Variants in HTR2C observed in about 807,000 individuals in gnomAD.
The protein encoded by HTR2C is 5-hydroxytryptamine receptor 2C, also known as 5-hydroxytryptamine (serotonin) receptor 2C, G protein-coupled.
Under a neutral mutation model 21.0 loss-of-function variants are expected in HTR2C, and 5 were observed. The observed-to-expected ratio is 0.24, with a 90% CI of 0.12 to 0.50. The LOEUF (loss-of-function observed/expected upper bound fraction) is 0.50, where lower values mean the gene tolerates loss of function less well. Among genes scored for constraint, HTR2C ranks in the 20% least tolerant of loss-of-function variants. HTR2C has a pLI of 0.98. For synonymous variants in HTR2C, 150 were observed against 145.3 expected, an observed-to-expected ratio of 1.03 and a Z score of -0.23; for missense variants, 271 against 371.2, an observed-to-expected ratio of 0.73 and a Z score of 2.22.
intron 1 of HTR2C, among the ~76,000 whole-genome samples, chrX:114,594,244 T>TA (rs782625241): frequency 1.8e-5 from 2 of 111,379 alleles, no homozygotes; most frequent in African/African-American, 6.5e-5. Context: ...ATCTAATATA[T>TA]AAAAAAATGA....
intron 2 of HTR2C, among the ~76,000 whole-genome samples, chrX:114,725,591 T>C (rs1383878282): frequency 1.8e-5 from 2 of 112,222 alleles, no homozygotes; most frequent in Non-Finnish European, 3.8e-5. Flanking sequence ...GGAGAGGCGC[T>C]CTGCATTTTA....
chrX:114,815,325 C>T (rs989801771), intron 4 of HTR2C, among the ~76,000 whole-genome samples: 5 of 111,015 alleles, frequency 4.5e-5, no homozygotes, highest in Admixed American at 9.8e-5. Flanking sequence ...TGATCCTTTC[C>T]TCCAACCCCA....
At chrX:114,632,910 A>G (rs974997782) in intron 2 of HTR2C, among the ~76,000 whole-genome samples, 1 of 111,443 alleles carries the variant, frequency 9.0e-6, no homozygotes, top group African/African-American at 3.2e-5. Flanking sequence ...ATGAATGTCT[A>G]TAATGATAGT....
intron 2 of HTR2C, among the ~76,000 whole-genome samples, chrX:114,696,880 T>G (rs1932295763): frequency 9.0e-6 from 1 of 111,538 alleles, no homozygotes; most frequent in Non-Finnish European, 1.9e-5. Flanking sequence ...TAGTTGCTTA[T>G]TAATGGATTT....
chrX:114,848,024 G>C lies in HTR2C; in HGVS notation c.371G>C (p.Arg124Thr). Residue 124 changes from arginine (R) to threonine (T), a missense_variant, in exon 5 of 6, where the codon AGA becomes ACA. Physicochemically the swap from Arg to Thr is moderately conservative, Grantham distance 71 (BLOSUM62 -1). Coordinates refer to ENST00000276198, the MANE Select transcript of HTR2C (RefSeq NM_000868.4). Reference sequence around the variant, plus strand: ...TCAGATTATGTCTGGCCACTACCTAGATATTTGTGCCCCGTCTGGATTTCT... The same window carrying C: ...TCAGATTATGTCTGGCCACTACCTACATATTTGTGCCCCGTCTGGATTTCT... ...ILYDYVWPLP[R>T]YLCPVWISLD... The C allele has an allele frequency of 8.3e-7, 1 of 1,207,268 alleles. No individual in the cohort carries two copies. The highest frequency in any genetic ancestry group is 1.1e-6 in the Non-Finnish European group (1 of 891,638).
intron 5 of HTR2C, among the ~76,000 whole-genome samples, chrX:114,887,099 A>C (rs1284539761): frequency 8.9e-6 from 1 of 112,330 alleles, no homozygotes; most frequent in Non-Finnish European, 1.9e-5. Context: ...TTAAAGGAAA[A>C]AATCAGACGG....
intron 5 of HTR2C, among the ~76,000 whole-genome samples, chrX:114,876,422 C>T (rs201193037): frequency 3.5e-4 from 22 of 62,341 alleles, no homozygotes; most frequent in East Asian, 6.0e-4. Context: ...CTTTTTCTTT[C>T]TTTTTTTTTT....
intron 4 of HTR2C, among the ~76,000 whole-genome samples, chrX:114,769,041 A>AG (rs1476675146): frequency 1.8e-5 from 2 of 110,036 alleles, no homozygotes; most frequent in African/African-American, 3.3e-5. Flanking sequence ...ATTTGAAAAA[A>AG]AAGCAGTTAA....
intron 2 of HTR2C, among the ~76,000 whole-genome samples, chrX:114,639,816 T>C (rs1243427273): frequency 2.7e-5 from 3 of 111,818 alleles, no homozygotes; most frequent in Non-Finnish European, 5.6e-5. Flanking sequence ...TTTAACTTTG[T>C]ATTTAACCTT....
At chrX:114,664,181 G>A (rs1931093378) in intron 2 of HTR2C, among the ~76,000 whole-genome samples, 1 of 111,814 alleles carries the variant, frequency 8.9e-6, no homozygotes, top group Non-Finnish European at 1.9e-5. Flanking sequence ...GCTGCCACTG[G>A]TTGTGAAAAT....
At chrX:114,717,486 A>G (rs1405238024) in intron 2 of HTR2C, 2 of 112,244 alleles carry the variant, frequency 1.8e-5, no homozygotes, top group African/African-American at 6.5e-5. Context: ...TGTAAACTAT[A>G]CCTTTTCATG....
At chrX:114,619,712 C>T (rs782578546) in intron 2 of HTR2C, among the ~76,000 whole-genome samples, 21 of 111,013 alleles carry the variant, frequency 1.9e-4, no homozygotes, top group African/African-American at 6.9e-4. Flanking sequence ...CCCACCATAC[C>T]CCCTAACACA....
chrX:114,848,103 G>A lies in HTR2C; in HGVS notation c.450G>A (p.Leu150=). 1 of 1,208,284 alleles carries A rather than the reference G, an allele frequency of 8.3e-7. No homozygotes were observed. Among genetic ancestry groups the A allele is most frequent in the South Asian group, 1.8e-5 (1 of 56,916 alleles). Residue 150 remains leucine (L), a synonymous_variant, in exon 5 of 6, where the codon CTG becomes CTA. Transcript: ENST00000276198. ...ASIMHLCAIS[L]DRYVAIRNPI... ...TCATGCACCTCTGCGCTATATCGCTGGATCGGTATGTAGCAATACGTAATC... is the reference window on the plus strand; with the variant it reads ...TCATGCACCTCTGCGCTATATCGCTAGATCGGTATGTAGCAATACGTAATC...
intron 2 of HTR2C, among the ~76,000 whole-genome samples, chrX:114,692,002 C>A (rs1328990976): frequency 1.8e-5 from 2 of 111,393 alleles, no homozygotes; most frequent in Non-Finnish European, 3.8e-5. Context: ...AAATTTTTAT[C>A]TTCATTTTCA....
chrX:114,688,581 A>G lies in HTR2C; in HGVS notation c.-79-38277A>G, dbSNP rs782712899. 2.7e-5 allele frequency among the ~76,000 whole-genome samples: 3 copies of G among 111,805 alleles called. No individual in the cohort carries two copies. The South Asian group carries it at 1.1e-3, about 41-fold the overall frequency. On this transcript the variant is annotated intron_variant, in intron 2 of 5. Transcript: ENST00000276198. ...CTACCTGGGATTAGAAAACTATTTT[A>G]TCATTCATTTCTTAATGGTTGATAA...
At chrX:114,634,268 C>G (rs1929757435) in intron 2 of HTR2C, among the ~76,000 whole-genome samples, 1 of 110,021 alleles carries the variant, frequency 9.1e-6, no homozygotes, top group Non-Finnish European at 1.9e-5. Flanking sequence ...GAATTAGAAA[C>G]AAGGCTAATT....
At chrX:114,688,930 A>G (rs1430361762) in intron 2 of HTR2C, among the ~76,000 whole-genome samples, 3 of 109,487 alleles carry the variant, frequency 2.7e-5, no homozygotes, top group African/African-American at 6.7e-5. Context: ...TGATGCACCC[A>G]TCACCCAAGC....
At chrX:114,678,020 C>T (rs1228759342) in intron 2 of HTR2C, among the ~76,000 whole-genome samples, 5 of 110,262 alleles carry the variant, frequency 4.5e-5, no homozygotes, top group African/African-American at 1.6e-4. Flanking sequence ...TTTGAAACAA[C>T]GACATTTTAT....
intron 2 of HTR2C, chrX:114,652,695 A>T (rs782538362): frequency 1.6e-5 from 6 of 375,555 alleles, no homozygotes; most frequent in South Asian, 1.2e-4. Flanking sequence ...AAATAAACCA[A>T]CAAGTCTTAT....
Sources: allele counts gnomAD v4.1 joint callset (sites outside exome capture counted in the v4.1 genomes callset), GRCh38; gene constraint gnomAD v4.1.1; transcripts MANE v1.5; gene names NCBI Gene and HGNC (gene_info 2026-07-23, HGNC 2026-07-21).